The following CDC42BPA variants were observed in gnomAD, a reference collection of about 807,000 sequenced individuals.
CDC42BPA encodes CDC42 binding protein kinase alpha.
CDC42BPA carries 80 observed loss-of-function variants against 223.5 expected under a neutral mutation model. The ratio of observed to expected loss-of-function variants is 0.36; its 90% CI spans 0.30 to 0.43. CDC42BPA has a LOEUF of 0.43. Ranked by LOEUF, CDC42BPA falls within the 20% of genes least tolerant of loss-of-function variation. The pLI is 1.00. For synonymous variants in CDC42BPA, 694 were observed against 718.6 expected (o/e 0.97, Z 0.55); for missense variants, 1,743 against 2,099.9 (o/e 0.83, Z 3.32).
chr1:227,113,692 AG>A (rs1358063018), intron 12 of CDC42BPA, among the ~76,000 whole-genome samples: 2 of 152,128 alleles, frequency 1.3e-5, no homozygotes, highest in African/African-American at 4.8e-5. Flanking sequence ...GCAGATTTAT[AG>A]AAGAACTGTA....
intron 2 of CDC42BPA, among the ~76,000 whole-genome samples, chr1:227,237,984 G>A (rs893222129): frequency 6.8e-6 from 1 of 147,486 alleles, no homozygotes; most frequent in African/African-American, 2.5e-5. Context: ...GTTGCAGTGG[G>A]CTGAGATCGT....
chr1:227,278,195 T>C (rs1184477263), intron 1 of CDC42BPA, among the ~76,000 whole-genome samples: 1 of 152,250 alleles, frequency 6.6e-6, no homozygotes, highest in Non-Finnish European at 1.5e-5. Flanking sequence ...TGTTACACTG[T>C]CTCTACAAAG....
chr1:227,061,868 C>CT (rs1177932487), intron 21 of CDC42BPA, among the ~76,000 whole-genome samples: 4 of 152,200 alleles, frequency 2.6e-5, no homozygotes, highest in Admixed American at 6.5e-5. Flanking sequence ...ACTTTCAACT[C>CT]TGATTATTTC....
intron 24 of CDC42BPA, among the ~76,000 whole-genome samples, chr1:227,039,546 C>A (rs1470623341): frequency 1.3e-5 from 2 of 152,100 alleles, no homozygotes; most frequent in African/African-American, 4.8e-5. Flanking sequence ...AATATACTTT[C>A]TTTTCTGTTC....
At chr1:227,274,596 A>G (rs1686608052) in intron 1 of CDC42BPA, among the ~76,000 whole-genome samples, 1 of 152,198 alleles carries the variant, frequency 6.6e-6, no homozygotes, top group South Asian at 2.1e-4. Context: ...TATTTATAAT[A>G]AATCTAAATG....
At chr1:227,043,295 C>G (rs185555876) in intron 23 of CDC42BPA, among the ~76,000 whole-genome samples, 2 of 152,032 alleles carry the variant, frequency 1.3e-5, no homozygotes, top group African/African-American at 4.8e-5. Context: ...CGCCTATAGT[C>G]CCAGCTACTC....
intron 21 of CDC42BPA, among the ~76,000 whole-genome samples, chr1:227,064,702 A>T (rs1676618478): frequency 6.6e-6 from 1 of 151,378 alleles, no homozygotes; most frequent in Non-Finnish European, 1.5e-5. Flanking sequence ...CTACAGCAGA[A>T]GGGATCTTGG....
At chr1:227,311,130 G>A (rs558567327) in intron 1 of CDC42BPA, among the ~76,000 whole-genome samples, 3 of 152,250 alleles carry the variant, frequency 2.0e-5, no homozygotes, top group African/African-American at 7.2e-5. Context: ...AAGGCAGGCG[G>A]ATCACTTGAG....
rs566924877 is a variant in CDC42BPA at position 227,258,614 on chromosome 1, T to C, written c.179-4459A>G. ...ATTTAAAAGATGCCTTAACAAGTTATAGCTGAGAGTTCAGAAATTCAATGA... is the reference window on the plus strand; with the variant it reads ...ATTTAAAAGATGCCTTAACAAGTTACAGCTGAGAGTTCAGAAATTCAATGA... On this transcript the variant is annotated intron_variant, in intron 1 of 36. Coordinates refer to ENST00000366766, the MANE Select transcript of CDC42BPA (RefSeq NM_001394014.1). 2.0e-5 allele frequency among the ~76,000 whole-genome samples: 3 copies of C among 151,102 alleles called. No homozygotes were observed. In the East Asian group the frequency reaches 5.8e-4, roughly 29 times the overall value.
chr1:227,223,827 T>C (rs1007764588), intron 2 of CDC42BPA, among the ~76,000 whole-genome samples: 14 of 152,212 alleles, frequency 9.2e-5, no homozygotes, highest in Non-Finnish European at 1.6e-4. Context: ...TTCAGGATGC[T>C]GGTCAGTTGC....
intron 23 of CDC42BPA, among the ~76,000 whole-genome samples, chr1:227,040,993 C>G (rs961201580): frequency 2.0e-5 from 3 of 152,074 alleles, no homozygotes; most frequent in African/African-American, 4.8e-5. Context: ...GTTGTGTGAA[C>G]TTAGGAAAAA....
At chr1:227,273,184 G>T (rs1686257968) in intron 1 of CDC42BPA, among the ~76,000 whole-genome samples, 1 of 152,070 alleles carries the variant, frequency 6.6e-6, no homozygotes, top group African/African-American at 2.4e-5. Context: ...TGTAATCTCA[G>T]CTACTCGGGA....
At chr1:227,127,319 C>A (rs1656029502) in intron 11 of CDC42BPA, among the ~76,000 whole-genome samples, 1 of 152,100 alleles carries the variant, frequency 6.6e-6, no homozygotes, top group Admixed American at 6.5e-5. Context: ...ATAGAGCTAA[C>A]AAAGAAGCTC....
At chr1:227,280,853 T>C (rs1572837077) in intron 1 of CDC42BPA, among the ~76,000 whole-genome samples, 1 of 152,222 alleles carries the variant, frequency 6.6e-6, no homozygotes, top group Non-Finnish European at 1.5e-5. Flanking sequence ...GAGATCAGTT[T>C]CTTAGCCTGC....
chr1:227,298,392 C>A (rs928871233), intron 1 of CDC42BPA, among the ~76,000 whole-genome samples: 1 of 151,954 alleles, frequency 6.6e-6, no homozygotes. Flanking sequence ...TAAATAGTTT[C>A]TTTTACTTTT....
At chr1:227,005,147 G>A (rs750797728) in intron 34 of CDC42BPA, 36 bp from the exon 35 acceptor site, 1 of 1,389,928 alleles carries the variant, frequency 7.2e-7, no homozygotes, top group South Asian at 1.2e-5. Flanking sequence ...CCTTTAGCCA[G>A]AAAGAAACTG....
At chr1:227,289,637 C>A (rs116225789) in intron 1 of CDC42BPA, among the ~76,000 whole-genome samples, 9,111 of 152,182 alleles carry the variant, frequency 0.06, 277 homozygotes, top group Non-Finnish European at 0.073. Context: ...GTTGTATCTC[C>A]AGATTTTTAT....
chr1:227,121,459 T>C (rs963087133), intron 11 of CDC42BPA, among the ~76,000 whole-genome samples: 6 of 152,232 alleles, frequency 3.9e-5, no homozygotes, highest in African/African-American at 4.8e-5. Flanking sequence ...AAATAACTGA[T>C]ATCAGTGCAA....
intron 5 of CDC42BPA, among the ~76,000 whole-genome samples, chr1:227,189,871 A>G (rs897192050): frequency 3.3e-5 from 5 of 152,164 alleles, no homozygotes; most frequent in Admixed American, 1.3e-4. Context: ...CCACATCCCT[A>G]TATTTTAAGT....
Sources: gnomAD v4.1 joint callset for allele counts (sites outside exome capture counted in the v4.1 genomes callset) on GRCh38, gnomAD v4.1.1 for gene constraint, MANE v1.5 for transcripts, NCBI Gene and HGNC (gene_info 2026-07-23, HGNC 2026-07-21) for gene names.